HERC2: variants seen among roughly 807,000 people sequenced by gnomAD.
HERC2 encodes the protein E3 ubiquitin-protein ligase HERC2.
HERC2 carries 102 observed loss-of-function variants against 537.7 expected under a neutral mutation model. The observed-to-expected ratio is 0.19, with a 90% CI of 0.16 to 0.22. The LOEUF (loss-of-function observed/expected upper bound fraction) is 0.22, where lower values mean the gene tolerates loss of function less well. Among genes scored for constraint, HERC2 ranks in the 10% least tolerant of loss-of-function variants. HERC2 has a pLI of 1.00. For synonymous variants in HERC2, 2,224 were observed against 2,466.2 expected (o/e 0.90, Z 2.91); for missense variants, 4,236 against 6,198.2 (o/e 0.68, Z 10.63).
rs555484244 is a variant in HERC2, at chr15:28,122,057, G to A, written c.13189-628C>T. Among the ~76,000 whole-genome samples, 11 of 152,278 alleles carry A rather than the reference G, an allele frequency of 7.2e-5. 1 individual carries two copies. In the East Asian group the frequency reaches 1.9e-3, roughly 27 times the overall value. On this transcript the variant is annotated intron_variant, in intron 85 of 92. Transcript: ENST00000261609. The surrounding 1 kb of genome is among the most constrained non-coding windows in gnomAD (Gnocchi z 4.1). ...CTGCCATACAGCAGCCACGGGGCCA[G>A]GGAGCACCGTGCAGCCAGCCAGACC... is the stretch of plus-strand genomic sequence containing the variant.
chr15:28,134,247 T>G (rs1890387352), intron 79 of HERC2, among the ~76,000 whole-genome samples: 2 of 152,242 alleles, frequency 1.3e-5, no homozygotes, highest in African/African-American at 2.4e-5. Context: ...TAAGTGGTAT[T>G]TTAAAATTTC....
At position 28,113,351 on chromosome 15, in the gene HERC2, C is replaced by T. The variant is rs970076131; in HGVS notation, c.14020-68G>A. 14 of 1,494,660 alleles carry T rather than the reference C, an allele frequency of 9.4e-6. No homozygotes were observed. The highest frequency in any genetic ancestry group is 8.3e-5 in the African/African-American group (6 of 72,488). The allele number at this position is 1,494,660 out of a possible 1,614,324, so 92.6% of individuals were successfully genotyped here. On this transcript the variant is annotated intron_variant, in intron 91 of 92. Transcript: ENST00000261609. This position sits in a 1 kb window ranked among gnomAD's most constrained non-coding sequence, Gnocchi z 7.0. The stretch of plus-strand genomic sequence containing the variant: ...CTGGCATTTCCGCAAGACTCCGTCA[C>T]GCTCCCTCTCTACACCAAGGCCTGT...
intron 46 of HERC2, 30 bp downstream of exon 46, chr15:28,202,317 A>G (rs199600891): frequency 1.9e-6 from 3 of 1,595,120 alleles, no homozygotes; most frequent in Non-Finnish European, 2.6e-6. Flanking sequence ...ACCCACACAT[A>G]CACAAGCAGA....
rs151294573 is a variant in HERC2, at chr15:28,276,736, C to CA, written c.543-1732dup. ...TGGGCGACAAAGCGAGACTCTGTCTCAAAAAAAAAACAAAAACAAAAACAA... is the reference window on the plus strand; with the variant it reads ...TGGGCGACAAAGCGAGACTCTGTCTCAAAAAAAAAAACAAAAACAAAAACAA... On this transcript the variant is annotated intron_variant, in intron 5 of 92. Transcript: ENST00000261609. Among the ~76,000 whole-genome samples, 256 of 122,770 alleles carry CA rather than the reference C, an allele frequency of 2.1e-3. 1 individual carries two copies. The highest frequency in any genetic ancestry group is 2.6e-3 in the East Asian group (10 of 3,898). 80.5% of individuals were successfully genotyped at this position (122,770 alleles called of 152,430 possible). A position where few individuals can be genotyped will look rare whatever the true frequency, so the allele number is the denominator to read the frequency against.
At chr15:28,251,629 T>A (rs1338963776) in intron 20 of HERC2, among the ~76,000 whole-genome samples, 1 of 151,848 alleles carries the variant, frequency 6.6e-6, no homozygotes, top group East Asian at 1.9e-4. Flanking sequence ...GGTGAAACCC[T>A]GTCTCTACAA....
intron 78 of HERC2, among the ~76,000 whole-genome samples, chr15:28,139,894 A>AC (rs1891022461): frequency 1.4e-5 from 2 of 141,808 alleles, no homozygotes; most frequent in African/African-American, 5.9e-5. Context: ...CCCCATCTCT[A>AC]CTAAAAAAAA....
At chr15:28,175,908 A>C (rs1293790616) in intron 63 of HERC2, among the ~76,000 whole-genome samples, 1 of 152,186 alleles carries the variant, frequency 6.6e-6, no homozygotes, top group Non-Finnish European at 1.5e-5. Flanking sequence ...TTTTCATATA[A>C]AGAGACTGAA....
intron 70 of HERC2, among the ~76,000 whole-genome samples, chr15:28,149,852 C>T (rs1170001897): frequency 1.3e-5 from 2 of 151,882 alleles, no homozygotes; most frequent in Non-Finnish European, 2.9e-5. Context: ...GCCACACGAA[C>T]GCACATTCTA....
chr15:28,298,116 G>A (rs1317160131), intron 3 of HERC2, among the ~76,000 whole-genome samples: 2 of 150,306 alleles, frequency 1.3e-5, no homozygotes, highest in Non-Finnish European at 3.0e-5. Context: ...AACTGAAAAG[G>A]GAGACTAATA....
At chr15:28,257,339 G>T in intron 16 of HERC2, 78 bp from the exon 17 acceptor site, 3 of 1,217,976 alleles carry the variant, frequency 2.5e-6, no homozygotes, top group Non-Finnish European at 3.6e-6. Context: ...ACCAGCGTGT[G>T]TGATGGAGCT....
rs111772797 is a variant in HERC2, at chr15:28,225,677, A to G, written c.5464+2541T>C. Among the ~76,000 whole-genome samples the G allele has an allele frequency of 7.3e-3, 1,082 of 148,756 alleles. 20 individuals carry two copies. The highest frequency in any genetic ancestry group is 0.026 in the African/African-American group (1,024 of 39,996). On this transcript the variant is annotated intron_variant, in intron 35 of 92. Coordinates refer to ENST00000261609, the MANE Select transcript of HERC2 (RefSeq NM_004667.6). ...TGTGCCACTGCACTCTGGCCTGGCA[A>G]GAGAGCAAGACTCCGTCTCAAAAAA...
intron 55 of HERC2, among the ~76,000 whole-genome samples, chr15:28,187,288 A>C (rs1566985344): frequency 1.3e-5 from 2 of 152,002 alleles, no homozygotes; most frequent in South Asian, 4.1e-4. Flanking sequence ...CTGTTTCAAA[A>C]CTTCAGTATA....
At chr15:28,295,405 C>G (rs1422357399) in intron 3 of HERC2, among the ~76,000 whole-genome samples, 1 of 151,900 alleles carries the variant, frequency 6.6e-6, no homozygotes, top group Non-Finnish European at 1.5e-5. Context: ...GGTCTGAAAA[C>G]AGGGAAAGTA....
intron 65 of HERC2, among the ~76,000 whole-genome samples, chr15:28,173,002 T>G (rs1048860641): frequency 3.3e-5 from 5 of 152,214 alleles, no homozygotes; most frequent in African/African-American, 1.2e-4. Flanking sequence ...GCAAGATGCT[T>G]GAGATCATTA....
At chr15:28,309,381 G>C (rs1032780985) in intron 2 of HERC2, among the ~76,000 whole-genome samples, 1 of 152,212 alleles carries the variant, frequency 6.6e-6, no homozygotes, top group South Asian at 2.1e-4. Context: ...AATAGTTATA[G>C]CCTCTTGCTG....
chr15:28,224,180 AACAG>A (rs200980383), intron 35 of HERC2, among the ~76,000 whole-genome samples: 1,262 of 108,224 alleles, frequency 0.012, 9 homozygotes, highest in Admixed American at 0.033. Context: ...GAGAGAGAGA[AACAG>A]ACAGACAGAC....
rs1299458955 is a variant in HERC2, at chr15:28,206,275, G to A, written c.7177C>T (p.Pro2393Ser). The part of the protein sequence containing the change: ...QLLASATQPS[P>S]VKAIFDKQEL... ...TGTTTATCAAATATGGCCTTCACAG[G>A]AGACGGCTGGGTGGCCGAGGCCAGC... Residue 2393 changes from proline to serine, a missense_variant, in exon 45 of 93, where the codon CCT becomes TCT. Coordinates refer to ENST00000261609, the MANE Select transcript of HERC2 (RefSeq NM_004667.6). 2.9e-6 allele frequency: 3 copies of A among 1,050,194 alleles called. No homozygotes were observed. The South Asian group carries it at 4.3e-5, about 15-fold the overall frequency. 65.1% of individuals were successfully genotyped at this position (1,050,194 alleles called of 1,614,324 possible).
At position 28,111,717 on chromosome 15, in the gene HERC2, C is replaced by T. The variant is rs777029736; in HGVS notation, c.*46G>A. 2.1e-5 allele frequency: 33 copies of T among 1,597,384 alleles called. No individual in the cohort carries two copies. The highest frequency in any genetic ancestry group is 2.7e-5 in the Non-Finnish European group (32 of 1,167,520). On this transcript the variant is annotated 3_prime_UTR_variant, in exon 93 of 93. Coordinates refer to ENST00000261609, the MANE Select transcript of HERC2 (RefSeq NM_004667.6). The stretch of plus-strand genomic sequence containing the variant: ...TACAGTCTACACAGCAGCGAGCGCT[C>T]TGCTGCCTGGCTCAGGCTCTCATCT...
chr15:28,199,524 G>A (rs1045513853), intron 48 of HERC2, among the ~76,000 whole-genome samples: 37 of 152,300 alleles, frequency 2.4e-4, no homozygotes, highest in Non-Finnish European at 4.7e-4. Context: ...TAATAACAAA[G>A]CTTTTTTTCC....
Sources: gnomAD v4.1 joint callset for allele counts (sites outside exome capture counted in the v4.1 genomes callset) on GRCh38, gnomAD v4.1.1 for gene constraint, Gnocchi (gnomAD v3.1) non-coding constraint, MANE v1.5 for transcripts, NCBI Gene and HGNC (gene_info 2026-07-23, HGNC 2026-07-21) for gene names.